The following DLG1 variants were observed in gnomAD, a reference collection of about 807,000 sequenced individuals.
DLG1 encodes the protein discs large MAGUK scaffold protein 1.
A neutral mutation model predicts 123.4 loss-of-function variants in DLG1; 42 were observed. That is an observed-to-expected ratio of 0.34 (90% CI 0.27 to 0.44). The LOEUF (loss-of-function observed/expected upper bound fraction) is 0.44, where lower values mean the gene tolerates loss of function less well. Among genes scored for constraint, DLG1 ranks in the 20% least tolerant of loss-of-function variants. DLG1 has a pLI of 1.00. For missense variants in DLG1, 942 were observed against 1,082.6 expected (o/e 0.87, Z 1.82); for synonymous variants, 317 against 356.2 (o/e 0.89, Z 1.24).
chr3:197,292,160 T>C (rs1032498373), intron 3 of DLG1, among the ~76,000 whole-genome samples: 1 of 152,140 alleles, frequency 6.6e-6, no homozygotes, highest in South Asian at 2.1e-4. Context: ...GAAGAAATAT[T>C]TGCACACTCA....
At chr3:197,255,811 C>T (rs1165753382) in intron 4 of DLG1, among the ~76,000 whole-genome samples, 1 of 150,956 alleles carries the variant, frequency 6.6e-6, no homozygotes, top group Non-Finnish European at 1.5e-5. Flanking sequence ...GGAGGGTGGG[C>T]TGTCTTGGAA....
At chr3:197,172,030 T>C (rs1022739910) in intron 5 of DLG1, among the ~76,000 whole-genome samples, 2 of 152,148 alleles carry the variant, frequency 1.3e-5, no homozygotes, top group African/African-American at 2.4e-5. Context: ...CCCACACAAA[T>C]ACACACATTT....
intron 4 of DLG1, among the ~76,000 whole-genome samples, chr3:197,201,101 C>T (rs1217878744): frequency 1.3e-5 from 2 of 152,116 alleles, no homozygotes; most frequent in South Asian, 4.1e-4. Context: ...AAGACTCCAC[C>T]GGCCGGGCGC....
At chr3:197,221,375 C>T (rs1464150613) in intron 4 of DLG1, among the ~76,000 whole-genome samples, 2 of 151,968 alleles carry the variant, frequency 1.3e-5, no homozygotes, top group Non-Finnish European at 2.9e-5. Flanking sequence ...AAAAAATGAG[C>T]CGAGTGTGGT....
Position 197,225,427 on chromosome 3 carries a change from A to C in DLG1, c.319-30838T>G, listed in dbSNP as rs184006233. On this transcript the variant is annotated intron_variant, in intron 4 of 24. Transcript: ENST00000667157. Reference sequence around the variant, plus strand: ...TTTGTTCAAAAGCTTTCTTTCCTCTATACAATCTAAATAGCAACACAATTT... The same window carrying C: ...TTTGTTCAAAAGCTTTCTTTCCTCTCTACAATCTAAATAGCAACACAATTT... 2.9e-3 allele frequency among the ~76,000 whole-genome samples: 445 copies of C among 152,266 alleles called. 5 individuals are homozygous for C. The highest frequency in any genetic ancestry group is 4.3e-3 in the Non-Finnish European group (291 of 68,018).
At position 197,289,338 on chromosome 3, in the gene DLG1, G is replaced by GCACACACA. The variant is rs996963098; in HGVS notation, c.152-6494_152-6493insTGTGTGTG. Among the ~76,000 whole-genome samples, 87 of 69,978 alleles carry GCACACACA rather than the reference G, an allele frequency of 1.2e-3. No homozygotes were observed. In the East Asian group the frequency reaches 0.046, roughly 37 times the overall value. 45.9% of individuals were successfully genotyped at this position (69,978 alleles called of 152,430 possible). ...GGTGGGGGGTGGCGTGTATACACGCGCATACACACACACACACACACACAC... is the reference window on the plus strand; with the variant it reads ...GGTGGGGGGTGGCGTGTATACACGCGCACACACACATACACACACACACACACACACAC... On this transcript the variant is annotated intron_variant, in intron 3 of 24. Transcript: ENST00000667157.
chr3:197,194,684 C>A, intron 4 of DLG1, 95 bp from the exon 5 acceptor site: 1 of 785,492 alleles, frequency 1.3e-6, no homozygotes, highest in Non-Finnish European at 2.0e-6. Flanking sequence ...CAATATTTAG[C>A]AATATAAAAA....
At chr3:197,048,039 T>C (rs1015036362) in intron 24 of DLG1, among the ~76,000 whole-genome samples, 2 of 151,926 alleles carry the variant, frequency 1.3e-5, no homozygotes, top group Non-Finnish European at 2.9e-5. Flanking sequence ...TATAAGAAAA[T>C]CATTAGCAAA....
In DLG1 at chr3:197,085,795, T is replaced by C. The variant is rs754046612; in HGVS notation, c.1662-39A>G. The C allele has an allele frequency of 6.4e-6, 10 of 1,572,746 alleles. No homozygotes were observed. In the African/African-American group the frequency reaches 9.6e-5, roughly 15 times the overall value. On this transcript the variant is annotated intron_variant, in intron 15 of 24. Coordinates refer to ENST00000667157, the MANE Select transcript of DLG1 (RefSeq NM_001366207.1). ...AAAAAAAGTCCATAATCACTTGTTA[T>C]AATATTAATCAACATATCATAGGGT...
chr3:197,096,725 ATGT>A (rs1760847540), intron 14 of DLG1, among the ~76,000 whole-genome samples: 1 of 152,126 alleles, frequency 6.6e-6, no homozygotes, highest in Non-Finnish European at 1.5e-5. Context: ...CAACTTATTG[ATGT>A]TGTTCTTCGA....
rs150713368 is a variant in DLG1 at position 197,215,466 on chromosome 3, T to G, written c.319-20877A>C. On this transcript the variant is annotated intron_variant, in intron 4 of 24. Transcript: ENST00000667157. ...ACAATACTACATAGGAGATTATGACTTCTAGTATGTAAGGATAGTCAAAAC... is the reference window on the plus strand; with the variant it reads ...ACAATACTACATAGGAGATTATGACGTCTAGTATGTAAGGATAGTCAAAAC... Among the ~76,000 whole-genome samples the G allele has an allele frequency of 3.6e-3, 547 of 152,274 alleles. 3 individuals are homozygous for G. Among genetic ancestry groups the G allele is most frequent in the Middle Eastern group, 6.8e-3 (2 of 294 alleles).
intron 4 of DLG1, among the ~76,000 whole-genome samples, chr3:197,218,903 G>A (rs948483059): frequency 3.9e-5 from 6 of 152,284 alleles, no homozygotes; most frequent in African/African-American, 9.6e-5. Flanking sequence ...AAGCCGAGGC[G>A]GGCGGATCAC....
chr3:197,111,336 A>G (rs1282078044), intron 13 of DLG1, among the ~76,000 whole-genome samples: 1 of 152,186 alleles, frequency 6.6e-6, no homozygotes, highest in Non-Finnish European at 1.5e-5. Flanking sequence ...CACTGTATCA[A>G]TGACCTATCT....
intron 23 of DLG1, among the ~76,000 whole-genome samples, chr3:197,058,423 T>TC (rs1733389386): frequency 2.0e-4 from 2 of 9,802 alleles, no homozygotes; most frequent in East Asian, 0.012. Flanking sequence ...CTCCAAACTC[T>TC]ACTTGGCAAT....
At chr3:197,200,151 G>A (rs74836167) in intron 4 of DLG1, among the ~76,000 whole-genome samples, 6,288 of 152,152 alleles carry the variant, frequency 0.041, 177 homozygotes, top group Non-Finnish European at 0.054. Context: ...TGGAAATGAT[G>A]CAGATTCCTG....
intron 5 of DLG1, among the ~76,000 whole-genome samples, chr3:197,193,931 T>C (rs571152263): frequency 6.6e-6 from 1 of 152,164 alleles, no homozygotes; most frequent in South Asian, 2.1e-4. Context: ...GTGATTCTCC[T>C]GTCTCAGCCT....
chr3:197,298,777 A>G (rs1472128403), upstream of DLG1: 6 of 395,104 alleles, frequency 1.5e-5, no homozygotes, highest in East Asian at 2.1e-4. Context: ...TTCGTCCCTT[A>G]GTAATAGGCT....
intron 10 of DLG1, among the ~76,000 whole-genome samples, chr3:197,135,678 T>C (rs1425022902): frequency 6.6e-6 from 1 of 152,166 alleles, no homozygotes; most frequent in East Asian, 1.9e-4. Flanking sequence ...AGCAATGATA[T>C]GGGTAAGTCT....
At chr3:197,237,786 C>T (rs1225284405) in intron 4 of DLG1, among the ~76,000 whole-genome samples, 1 of 152,214 alleles carries the variant, frequency 6.6e-6, no homozygotes, top group Non-Finnish European at 1.5e-5. Context: ...GTGCACAACC[C>T]TACTTCTACA....
Sources: gnomAD v4.1 joint callset for allele counts (sites outside exome capture counted in the v4.1 genomes callset) on GRCh38, gnomAD v4.1.1 for gene constraint, MANE v1.5 for transcripts, NCBI Gene and HGNC (gene_info 2026-07-23, HGNC 2026-07-21) for gene names.